NRG3: variants seen among roughly 807,000 people sequenced by gnomAD.
The protein encoded by NRG3 is pro-neuregulin-3, membrane-bound isoform.
Under a neutral mutation model 66.9 loss-of-function variants are expected in NRG3, and 31 were observed. The ratio of observed to expected loss-of-function variants is 0.46; its 90% CI spans 0.35 to 0.63. The LOEUF (loss-of-function observed/expected upper bound fraction) is 0.63, where lower values mean the gene tolerates loss of function less well. NRG3 is among the 20% of genes least tolerant of loss of function. The probability of loss-of-function intolerance (pLI) is 0.00; values close to 1 mark genes in which losing one functional copy is unlikely to be tolerated. For missense variants in NRG3, 910 were observed against 878.9 expected, an observed-to-expected ratio of 1.04 and a Z score of -0.45; for synonymous variants, 393 against 359.4, an observed-to-expected ratio of 1.09 and a Z score of -1.06.
chr10:81,988,481 C>T (rs1336698891), intron 1 of NRG3, among the ~76,000 whole-genome samples: 1 of 152,186 alleles, frequency 6.6e-6, no homozygotes, highest in Non-Finnish European at 1.5e-5. Context: ...TAATGCCTAC[C>T]TATTTTCCCT....
chr10:82,889,731 GATTCCC>G (rs144749330), intron 4 of NRG3, among the ~76,000 whole-genome samples: 9 of 152,328 alleles, frequency 5.9e-5, no homozygotes, highest in Non-Finnish European at 1.0e-4. Context: ...AGTCTTAAGT[GATTCCC>G]ATTCGTTGCC....
chr10:82,589,795 A>G (rs1332475425), intron 2 of NRG3, among the ~76,000 whole-genome samples: 9 of 152,176 alleles, frequency 5.9e-5, no homozygotes, highest in Admixed American at 5.9e-4. Context: ...GCAATTTCCC[A>G]TTGACTAGGG....
At chr10:82,593,439 T>A (rs2047096156) in intron 2 of NRG3, among the ~76,000 whole-genome samples, 1 of 152,234 alleles carries the variant, frequency 6.6e-6, no homozygotes, top group South Asian at 2.1e-4. Context: ...AGGAGCTACC[T>A]TTATTTATAA....
At chr10:82,363,711 C>T (rs2084337684) in intron 2 of NRG3, among the ~76,000 whole-genome samples, 1 of 152,120 alleles carries the variant, frequency 6.6e-6, no homozygotes, top group Non-Finnish European at 1.5e-5. Flanking sequence ...CCCACCTCAG[C>T]CTCCCAAAGT....
At chr10:82,322,909 T>TA (rs2081652096) in intron 1 of NRG3, among the ~76,000 whole-genome samples, 1 of 152,196 alleles carries the variant, frequency 6.6e-6, no homozygotes, top group Non-Finnish European at 1.5e-5. Context: ...AAAAATCATT[T>TA]AAAAAGAGTC....
At chr10:82,828,763 A>C (rs1201870859) in intron 3 of NRG3, among the ~76,000 whole-genome samples, 1 of 152,222 alleles carries the variant, frequency 6.6e-6, no homozygotes, top group Non-Finnish European at 1.5e-5. Flanking sequence ...CTATCTGAGA[A>C]GAAAAGAAAG....
chr10:82,227,017 G>T (rs1354602928), intron 1 of NRG3, among the ~76,000 whole-genome samples: 1 of 152,138 alleles, frequency 6.6e-6, no homozygotes, highest in Non-Finnish European at 1.5e-5. Flanking sequence ...CATATTGCTT[G>T]CCTTCTTGTG....
intron 4 of NRG3, among the ~76,000 whole-genome samples, chr10:82,866,770 G>A (rs1256881549): frequency 6.6e-6 from 1 of 152,170 alleles, no homozygotes; most frequent in East Asian, 1.9e-4. Flanking sequence ...TAGTCATATG[G>A]CAGATTGGTT....
chr10:82,704,432 C>T (rs2134322131), intron 2 of NRG3, among the ~76,000 whole-genome samples: 1 of 152,278 alleles, frequency 6.6e-6, no homozygotes, highest in Non-Finnish European at 1.5e-5. Context: ...TATCATACTC[C>T]TTCATCTTGC....
intron 1 of NRG3, among the ~76,000 whole-genome samples, chr10:82,252,865 T>A (rs1400274047): frequency 6.6e-6 from 1 of 152,206 alleles, no homozygotes; most frequent in South Asian, 2.1e-4. Context: ...ACTTTCTTGC[T>A]TCTGACTTCT....
chr10:82,746,905 C>A (rs888096936), intron 3 of NRG3, among the ~76,000 whole-genome samples: 2 of 151,966 alleles, frequency 1.3e-5, no homozygotes, highest in African/African-American at 4.8e-5. Context: ...ATAGGAAGAC[C>A]TTGTTTCTAG....
intron 1 of NRG3, among the ~76,000 whole-genome samples, chr10:82,016,928 T>A (rs1436672918): frequency 6.6e-6 from 1 of 152,122 alleles, no homozygotes; most frequent in Non-Finnish European, 1.5e-5. Context: ...TCTCAATAAT[T>A]TATTGATTTA....
In NRG3 at chr10:82,354,452, G is replaced by A. The variant is rs544476970; in HGVS notation, c.824-4287G>A. On this transcript the variant is annotated intron_variant, in intron 1 of 8. Coordinates refer to ENST00000372141, the MANE Select transcript of NRG3 (RefSeq NM_001010848.4). Reference sequence around the variant, plus strand: ...GTTACCCAGGCTAGAGTGCAATGGCGCAATCTCAGCCCGCTGCAACCTCCA... The same window carrying A: ...GTTACCCAGGCTAGAGTGCAATGGCACAATCTCAGCCCGCTGCAACCTCCA... Among the ~76,000 whole-genome samples, 7 of 150,934 alleles carry A rather than the reference G, an allele frequency of 4.6e-5. No individual in the cohort carries two copies. In the East Asian group the frequency reaches 1.4e-3, roughly 30 times the overall value.
At chr10:82,695,105 A>G (rs2055269091) in intron 2 of NRG3, among the ~76,000 whole-genome samples, 1 of 152,324 alleles carries the variant, frequency 6.6e-6, no homozygotes, top group East Asian at 1.9e-4. Context: ...TAAAACTCAT[A>G]TGTACATTGG....
At chr10:81,963,029 C>T (rs2133292597) in intron 1 of NRG3, among the ~76,000 whole-genome samples, 1 of 151,522 alleles carries the variant, frequency 6.6e-6, no homozygotes, top group Admixed American at 6.6e-5. Flanking sequence ...TAGATTCTGT[C>T]TCTCGTTGGG....
intron 2 of NRG3, among the ~76,000 whole-genome samples, chr10:82,713,391 G>A (rs2056792116): frequency 6.6e-6 from 1 of 152,274 alleles, no homozygotes; most frequent in South Asian, 2.1e-4. Flanking sequence ...TCATGGTGGG[G>A]AGAAGTGATC....
chr10:82,373,902 C>T (rs1173771222), intron 2 of NRG3, among the ~76,000 whole-genome samples: 1 of 152,082 alleles, frequency 6.6e-6, no homozygotes, highest in African/African-American at 2.4e-5. Flanking sequence ...ATCTCTTCCC[C>T]CTACAAGCTA....
At chr10:82,395,489 C>G (rs997692214) in intron 2 of NRG3, among the ~76,000 whole-genome samples, 3 of 152,182 alleles carry the variant, frequency 2.0e-5, no homozygotes, top group African/African-American at 4.8e-5. Flanking sequence ...TGGGATAATA[C>G]CTTTATCCTA....
At chr10:82,466,824 G>A (rs532969383) in intron 2 of NRG3, among the ~76,000 whole-genome samples, 38 of 151,672 alleles carry the variant, frequency 2.5e-4, no homozygotes, top group African/African-American at 9.2e-4. Flanking sequence ...GGAAGGAGGG[G>A]CACACACGAT....
Sources: gnomAD v4.1 joint callset for allele counts (sites outside exome capture counted in the v4.1 genomes callset) on GRCh38, gnomAD v4.1.1 for gene constraint, MANE v1.5 for transcripts, NCBI Gene and HGNC (gene_info 2026-07-23, HGNC 2026-07-21) for gene names.